MECR: variants seen among roughly 807,000 people sequenced by gnomAD.
The protein encoded by MECR is mitochondrial trans-2-enoyl-CoA reductase.
In MECR, 37 loss-of-function variants were observed where a neutral mutation model predicts 49.1. The ratio of observed to expected loss-of-function variants is 0.75; its 90% CI spans 0.58 to 0.99. MECR has a LOEUF of 0.99. Among genes scored for constraint, MECR ranks in the 50% least tolerant of loss-of-function variants. MECR has a pLI of 0.00. For missense variants in MECR, 470 were observed against 479.6 expected, an observed-to-expected ratio of 0.98 and a Z score of 0.19; for synonymous variants, 198 against 191.1, an observed-to-expected ratio of 1.04 and a Z score of -0.30.
the MECR span, among the ~76,000 whole-genome samples, chr1:29,175,202 CAGG>C: frequency 6.8e-6 from 1 of 146,572 alleles, no homozygotes; most frequent in African/African-American, 2.5e-5. Flanking sequence ...ACTTTGAGGT[CAGG>C]AGTTCAAAAC....
chr1:29,175,711 A>AG, the MECR span, among the ~76,000 whole-genome samples: 9 of 146,546 alleles, frequency 6.1e-5, no homozygotes, highest in Non-Finnish European at 9.1e-5. Flanking sequence ...AAAAAAAAAA[A>AG]AAAAAAAAAA....
chr1:29,212,483 CCCA>C (rs1222327616), intron 3 of MECR, among the ~76,000 whole-genome samples: 1 of 152,148 alleles, frequency 6.6e-6, no homozygotes, highest in Non-Finnish European at 1.5e-5. Context: ...TCTGGGTACC[CCCA>C]CCACCACATG....
chr1:29,190,554 G>C (rs1673101074), downstream of MECR, among the ~76,000 whole-genome samples: 1 of 152,110 alleles, frequency 6.6e-6, no homozygotes, highest in Non-Finnish European at 1.5e-5. Context: ...AGCACTTTGG[G>C]AGGCAGAGGC....
At chr1:29,194,327 G>A in intron 9 of MECR, 148 bp from the exon 10 acceptor site, 1 of 849,756 alleles carries the variant, frequency 1.2e-6, no homozygotes, top group Non-Finnish European at 1.8e-6. Flanking sequence ...GGTGGCTGTG[G>A]AGGCAGCCTG....
chr1:29,178,353 C>CTTCTTTTTTTTTTTTTTT, the MECR span, among the ~76,000 whole-genome samples: 90 of 127,858 alleles, frequency 7.0e-4, 5 homozygotes, highest in East Asian at 2.8e-3. Context: ...GTTTCAATTA[C>CTTCTTTTTTTTTTTTTTT]TTTTTTTTTT....
intron 1 of MECR, among the ~76,000 whole-genome samples, chr1:29,218,834 T>C (rs1558490074): frequency 6.6e-6 from 1 of 152,192 alleles, no homozygotes; most frequent in Non-Finnish European, 1.5e-5. Flanking sequence ...AACTACTGTT[T>C]ATTCAGTGCT....
intron 7 of MECR, among the ~76,000 whole-genome samples, chr1:29,196,763 G>A (rs1204602044): frequency 1.3e-5 from 2 of 152,022 alleles, no homozygotes; most frequent in Non-Finnish European, 2.9e-5. Context: ...CAGCACTTTG[G>A]GAGGCCAAGG....
chr1:29,201,606 T>C lies in MECR; in HGVS notation c.756+337A>G. On this transcript the variant is annotated intron_variant, in intron 6 of 9. Coordinates refer to ENST00000263702, the MANE Select transcript of MECR (RefSeq NM_016011.5). The surrounding 1 kb of genome is among the most constrained non-coding windows in gnomAD (Gnocchi z 4.3). ...GCAGGTGGTTGGGAAAGGTTACTTC[T>C]TTTCTTTCTCTTTCTGTGTCTCTGT... 1 of 470,292 alleles carries C rather than the reference T, an allele frequency of 2.1e-6. No homozygotes were observed. The highest frequency in any genetic ancestry group is 4.0e-6 in the Non-Finnish European group (1 of 247,660). 29.1% of individuals were successfully genotyped at this position (470,292 alleles called of 1,614,324 possible).
At chr1:29,224,811 TCCCAA>T (rs1681648780) in intron 1 of MECR, 2 of 152,192 alleles carry the variant, frequency 1.3e-5, no homozygotes, top group Non-Finnish European at 2.9e-5. Context: ...GCAAGAAACA[TCCCAA>T]GTCACAGGTT....
chr1:29,214,652 C>G (rs994514976), intron 3 of MECR, among the ~76,000 whole-genome samples: 1 of 152,104 alleles, frequency 6.6e-6, no homozygotes, highest in African/African-American at 2.4e-5. Context: ...TGAGCCACCA[C>G]GCCTGGCCCC....
chr1:29,195,726 G>A (rs545174085), intron 9 of MECR, among the ~76,000 whole-genome samples: 118 of 152,280 alleles, frequency 7.7e-4, no homozygotes, highest in African/African-American at 2.8e-3. Flanking sequence ...TCAGGACGGG[G>A]GCAGTGTCTG....
intron 1 of MECR, among the ~76,000 whole-genome samples, chr1:29,226,904 C>T (rs1228886081): frequency 6.8e-6 from 1 of 146,888 alleles, no homozygotes; most frequent in African/African-American, 2.5e-5. Context: ...AGCGGACTTT[C>T]AGGAAAAAAA....
At chr1:29,175,679 A>T in the MECR span, among the ~76,000 whole-genome samples, 1 of 110,216 alleles carries the variant, frequency 9.1e-6, no homozygotes, top group Admixed American at 1.2e-4. Flanking sequence ...TGGGCGACAG[A>T]GCCAGACGCT....
intron 1 of MECR, among the ~76,000 whole-genome samples, chr1:29,218,856 C>G (rs982630822): frequency 9.9e-5 from 15 of 152,202 alleles, no homozygotes; most frequent in African/African-American, 3.6e-4. Flanking sequence ...ACCAGTCAGG[C>G]ACACTGCTAA....
chr1:29,190,164 G>C (rs1434036856), downstream of MECR, among the ~76,000 whole-genome samples: 1 of 151,098 alleles, frequency 6.6e-6, no homozygotes, highest in African/African-American at 2.4e-5. Flanking sequence ...CACGAGGTCA[G>C]GAGATCGAGA....
At chr1:29,199,328 C>T (rs111239289) in intron 7 of MECR, among the ~76,000 whole-genome samples, 89 of 152,174 alleles carry the variant, frequency 5.8e-4, no homozygotes, top group African/African-American at 2.0e-3. Context: ...CCGGGGTTCA[C>T]GCCATTCTCC....
chr1:29,216,618 T>C lies in MECR; in HGVS notation c.244A>G (p.Ile82Val), dbSNP rs201700021. 29 of 1,614,208 alleles carry C rather than the reference T, an allele frequency of 1.8e-5. No individual in the cohort carries two copies. In the South Asian group the frequency reaches 2.3e-4, roughly 13 times the overall value. The change falls in exon 2 of 10, where the codon ATC (isoleucine) becomes GTC (valine). Residue 82 changes from isoleucine (I) to valine (V), a missense_variant. Ile to Val is a conservative substitution (Grantham distance 29). Coordinates refer to ENST00000263702, the MANE Select transcript of MECR (RefSeq NM_016011.5). ...DVRVKMLAAPINPSDINMIQG... is the reference protein window; with the variant it reads ...DVRVKMLAAPVNPSDINMIQG... ...ATCATATTTATGTCAGATGGATTGA[T>C]AGGGGCCGCCAGCATCTTCACACGG...
Position 29,196,244 on chromosome 1 carries a change from A to G in MECR, c.845T>C (p.Met282Thr). The change falls in exon 8 of 10, where the codon ATG becomes ACG. Residue 282 changes from methionine to threonine, a missense_variant. Met to Thr is a moderately conservative substitution (Grantham distance 81). Coordinates refer to ENST00000263702, the MANE Select transcript of MECR (RefSeq NM_016011.5). Reference protein sequence around the residue: ...LLRQLARGGTMVTYGGMAKQP... With the variant: ...LLRQLARGGTTVTYGGMAKQP... Reference sequence around the variant, plus strand: ...CTTGGCCATCCCCCCATAGGTTACCATGGTTCCTCCACGCCTGAAAAGTCC... The same window carrying G: ...CTTGGCCATCCCCCCATAGGTTACCGTGGTTCCTCCACGCCTGAAAAGTCC... 6.2e-7 allele frequency: 1 copy of G among 1,613,178 alleles called. No individual in the cohort carries two copies. Among genetic ancestry groups the G allele is most frequent in the Non-Finnish European group, 8.5e-7 (1 of 1,179,360 alleles).
chr1:29,185,703 C>G, the MECR span, among the ~76,000 whole-genome samples: 4 of 152,216 alleles, frequency 2.6e-5, no homozygotes, highest in African/African-American at 9.7e-5. Flanking sequence ...GTGTGAGCCA[C>G]CTTGCCCGGC....
Sources: allele counts gnomAD v4.1 joint callset (sites outside exome capture counted in the v4.1 genomes callset), GRCh38; gene constraint gnomAD v4.1.1; non-coding constraint Gnocchi (gnomAD v3.1); transcripts MANE v1.5; gene names NCBI Gene and HGNC (gene_info 2026-07-23, HGNC 2026-07-21).